EHBP1: variants seen among roughly 807,000 people sequenced by gnomAD.
The protein encoded by EHBP1 is EH domain binding protein 1, also known as EH domain-binding protein 1.
A neutral mutation model predicts 144.0 loss-of-function variants in EHBP1; 55 were observed. The observed-to-expected ratio is 0.38, with a 90% CI of 0.31 to 0.48. The LOEUF (loss-of-function observed/expected upper bound fraction) is 0.48. Ranked by LOEUF, EHBP1 falls within the 20% of genes least tolerant of loss-of-function variation. The pLI, the probability that EHBP1 is intolerant of heterozygous loss-of-function variation, is 0.98. For missense variants in EHBP1, 1,200 were observed against 1,364.2 expected (o/e 0.88, Z 1.90); for synonymous variants, 469 against 472.7 (o/e 0.99, Z 0.10).
At chr2:62,762,998 A>G (rs1005789400) in intron 3 of EHBP1, among the ~76,000 whole-genome samples, 1 of 151,192 alleles carries the variant, frequency 6.6e-6, no homozygotes, top group African/African-American at 2.4e-5. Context: ...CCTCTTGACC[A>G]CTCTGTTCCA....
chr2:62,709,094 A>G (rs755732746), intron 2 of EHBP1, among the ~76,000 whole-genome samples: 6 of 152,190 alleles, frequency 3.9e-5, no homozygotes, highest in African/African-American at 9.6e-5. Context: ...ACTGAGGATC[A>G]TAGTAAAAAG....
chr2:62,832,721 T>C (rs188034130), intron 7 of EHBP1, among the ~76,000 whole-genome samples: 99 of 152,282 alleles, frequency 6.5e-4, no homozygotes, highest in African/African-American at 2.1e-3. Flanking sequence ...CTTAATCAAG[T>C]GTGTTCTGAC....
intron 19 of EHBP1, among the ~76,000 whole-genome samples, chr2:63,017,743 C>T (rs1420948507): frequency 6.6e-6 from 1 of 152,208 alleles, no homozygotes; most frequent in Non-Finnish European, 1.5e-5. Context: ...TTGTTCTCTT[C>T]TCACATTTCT....
At chr2:63,032,148 C>A (rs905031896) in intron 19 of EHBP1, among the ~76,000 whole-genome samples, 2 of 150,952 alleles carry the variant, frequency 1.3e-5, no homozygotes, top group Non-Finnish European at 2.9e-5. Flanking sequence ...GACGAGTTAA[C>A]GGGTGCAGCA....
At position 62,812,445 on chromosome 2, in the gene EHBP1, G is replaced by T. The variant is rs948838680; in HGVS notation, c.313-13642G>T. On this transcript the variant is annotated intron_variant, in intron 5 of 22. Coordinates refer to ENST00000431489, the MANE Select transcript of EHBP1 (RefSeq NM_001142616.3). ...AAAAATGCCTAGATTCCTATGAATA[G>T]AGCATTGAGAGTAGTTTTGGTGAGG... Among the ~76,000 whole-genome samples, 13 of 152,204 alleles carry T rather than the reference G, an allele frequency of 8.5e-5. 1 individual carries two copies. The highest frequency in any genetic ancestry group is 6.3e-3 in the Middle Eastern group (2 of 316).
chr2:63,029,771 G>C (rs559738161), intron 19 of EHBP1, among the ~76,000 whole-genome samples: 37 of 152,140 alleles, frequency 2.4e-4, no homozygotes, highest in African/African-American at 8.9e-4. Context: ...TTGCTCTGTC[G>C]TCCAGGCTAG....
intron 1 of EHBP1, among the ~76,000 whole-genome samples, chr2:62,695,242 T>C (rs1392247960): frequency 6.6e-6 from 1 of 152,034 alleles, no homozygotes; most frequent in Non-Finnish European, 1.5e-5. Context: ...GTGCCTGTGG[T>C]CCCAACTACT....
At chr2:62,943,923 A>C in intron 12 of EHBP1, 73 bp downstream of exon 12, 1 of 1,154,794 alleles carries the variant, frequency 8.7e-7, no homozygotes, top group Non-Finnish European at 1.3e-6. Flanking sequence ...TAATTTGGAG[A>C]AAGTGAGGCA....
chr2:62,935,346 T>A (rs201199804), intron 10 of EHBP1, among the ~76,000 whole-genome samples: 13,726 of 115,958 alleles, frequency 0.12, 758 homozygotes, highest in Non-Finnish European at 0.15. Context: ...AAAAAAAAAA[T>A]ATATATATAT....
intron 10 of EHBP1, among the ~76,000 whole-genome samples, chr2:62,899,916 A>T (rs2053255821): frequency 6.6e-6 from 1 of 152,236 alleles, no homozygotes; most frequent in African/African-American, 2.4e-5. Flanking sequence ...CGTGAAGTAG[A>T]TGGAGTGGGT....
intron 7 of EHBP1, among the ~76,000 whole-genome samples, chr2:62,838,692 A>G (rs2047517892): frequency 6.6e-6 from 1 of 151,786 alleles, no homozygotes. Flanking sequence ...ACAAACTACC[A>G]TCAAAGAATA....
At chr2:62,995,480 T>G (rs915859110) in intron 18 of EHBP1, among the ~76,000 whole-genome samples, 1 of 152,104 alleles carries the variant, frequency 6.6e-6, no homozygotes, top group African/African-American at 2.4e-5. Flanking sequence ...TGCTCATAAT[T>G]AACATAATTC....
At chr2:62,966,884 C>T (rs1450574814) in intron 14 of EHBP1, among the ~76,000 whole-genome samples, 1 of 152,098 alleles carries the variant, frequency 6.6e-6, no homozygotes, top group Non-Finnish European at 1.5e-5. Flanking sequence ...CTAGGAGCAG[C>T]CTGTAATAAC....
chr2:62,679,631 GA>G (rs1009908568), intron 1 of EHBP1, among the ~76,000 whole-genome samples: 2 of 151,956 alleles, frequency 1.3e-5, no homozygotes, highest in African/African-American at 4.8e-5. Flanking sequence ...TACTATTGGG[GA>G]AAAAATAGTT....
intron 5 of EHBP1, among the ~76,000 whole-genome samples, chr2:62,823,901 T>C (rs2046161053): frequency 6.6e-6 from 1 of 151,952 alleles, no homozygotes; most frequent in Admixed American, 6.6e-5. Context: ...AAAAGAGCTC[T>C]AGTCTACTCA....
intron 7 of EHBP1, among the ~76,000 whole-genome samples, chr2:62,847,271 C>T (rs1321156945): frequency 6.6e-6 from 1 of 152,068 alleles, no homozygotes; most frequent in East Asian, 1.9e-4. Context: ...AAAAAATGAA[C>T]CTCAACCCCC....
intron 10 of EHBP1, among the ~76,000 whole-genome samples, chr2:62,902,849 A>G (rs1174993132): frequency 6.6e-6 from 1 of 152,222 alleles, no homozygotes; most frequent in Non-Finnish European, 1.5e-5. Flanking sequence ...ATGTAAAAAT[A>G]GTTGGTTTAT....
chr2:63,003,818 G>C (rs1013237205), intron 19 of EHBP1, among the ~76,000 whole-genome samples: 2 of 152,022 alleles, frequency 1.3e-5, no homozygotes, highest in African/African-American at 2.4e-5. Context: ...AGGGAGCTCA[G>C]TGTCCTTCAA....
chr2:62,901,484 C>T (rs1055262218), intron 10 of EHBP1, among the ~76,000 whole-genome samples: 9 of 151,814 alleles, frequency 5.9e-5, no homozygotes, highest in East Asian at 1.9e-4. Flanking sequence ...AAGTTGAATA[C>T]GATAATTTAG....
Sources: gnomAD v4.1 joint callset for allele counts (sites outside exome capture counted in the v4.1 genomes callset) on GRCh38, gnomAD v4.1.1 for gene constraint, MANE v1.5 for transcripts, NCBI Gene and HGNC (gene_info 2026-07-23, HGNC 2026-07-21) for gene names.